CEP72: variants seen among roughly 807,000 people sequenced by gnomAD.
CEP72 encodes the protein centrosomal protein 72.
A neutral mutation model predicts 65.7 loss-of-function variants in CEP72; 78 were observed. The observed-to-expected ratio is 1.19, with a 90% confidence interval of 0.99 to 1.43. The LOEUF is 1.43. Among genes scored for constraint, CEP72 ranks in the 40% most tolerant of loss-of-function variants. The pLI, the probability that CEP72 is intolerant of heterozygous loss-of-function variation, is 0.00. For missense variants in CEP72, 914 were observed against 832.9 expected (o/e 1.10, Z -1.20); for synonymous variants, 358 against 351.7 (o/e 1.02, Z -0.20).
At chr5:669,031 C>T (rs569398973), downstream of CEP72, among the ~76,000 whole-genome samples, 29 of 152,356 alleles carry the variant, frequency 1.9e-4, no homozygotes, top group East Asian at 2.3e-3. Context: ...CCATCAACAG[C>T]GCTGAGCCAA....
At chr5:633,711 G>C in intron 4 of CEP72, 58 bp from the exon 5 acceptor site, 1 of 1,536,406 alleles carries the variant, frequency 6.5e-7, no homozygotes, top group Non-Finnish European at 9.0e-7. Flanking sequence ...CCTGGTCTGC[G>C]TGGGCCGGAG....
chr5:668,747 C>G (rs1415468483), downstream of CEP72, among the ~76,000 whole-genome samples: 1 of 152,264 alleles, frequency 6.6e-6, no homozygotes, highest in Non-Finnish European at 1.5e-5. Flanking sequence ...TACCACTGTT[C>G]TGCTCGTAGT....
At chr5:633,741 A>G (rs367615297) in intron 4 of CEP72, 28 bp from the exon 5 acceptor site, 11 of 1,610,630 alleles carry the variant, frequency 6.8e-6, no homozygotes, top group African/African-American at 1.3e-5. Context: ...GGCTTGAGTG[A>G]TGCTGATGAG....
intron 4 of CEP72, among the ~76,000 whole-genome samples, chr5:627,525 G>A (rs998922552): frequency 6.6e-6 from 1 of 152,150 alleles, no homozygotes; most frequent in African/African-American, 2.4e-5. Context: ...CTGAAAACTG[G>A]CTGTTTTCCT....
At chr5:654,050 T>G, downstream of CEP72, among the ~76,000 whole-genome samples, 1 of 140,628 alleles carries the variant, frequency 7.1e-6, no homozygotes, top group African/African-American at 2.7e-5. Context: ...GTGTGTGTGC[T>G]AGCTGTGTGT....
intron 1 of CEP72, among the ~76,000 whole-genome samples, chr5:615,834 A>G (rs918947335): frequency 5.3e-5 from 8 of 152,030 alleles, no homozygotes; most frequent in African/African-American, 1.7e-4. Flanking sequence ...ATCTCCTTGT[A>G]TGGTTTTCAT....
chr5:619,241 T>A, intron 2 of CEP72, 124 bp downstream of exon 2: 2 of 839,546 alleles, frequency 2.4e-6, no homozygotes, highest in East Asian at 2.5e-5. Context: ...CACTTTGTGT[T>A]GCGTATTTTT....
chr5:670,215 C>T (rs962887700), downstream of CEP72, among the ~76,000 whole-genome samples: 26 of 152,176 alleles, frequency 1.7e-4, no homozygotes, highest in African/African-American at 5.8e-4. Flanking sequence ...TCACAGGCCC[C>T]GCTGGGCTCG....
chr5:672,418 A>G, the CEP72 span, among the ~76,000 whole-genome samples: 1 of 152,212 alleles, frequency 6.6e-6, no homozygotes, highest in Non-Finnish European at 1.5e-5. Context: ...GGGAAAATAC[A>G]CCACACCCAG....
At chr5:668,653 AGC>A (rs1580077358), downstream of CEP72, among the ~76,000 whole-genome samples, 1 of 152,266 alleles carries the variant, frequency 6.6e-6, no homozygotes, top group African/African-American at 2.4e-5. Context: ...TTCTCATCAC[AGC>A]CAAAGGTGGC....
At chr5:653,806 A>G (rs973794804), downstream of CEP72, among the ~76,000 whole-genome samples, 1 of 152,244 alleles carries the variant, frequency 6.6e-6, no homozygotes, top group Admixed American at 6.5e-5. Context: ...ATTATGTCAT[A>G]ATAGGACACA....
downstream of CEP72, among the ~76,000 whole-genome samples, chr5:670,235 A>G (rs916604638): frequency 6.6e-6 from 1 of 152,096 alleles, no homozygotes; most frequent in Non-Finnish European, 1.5e-5. Context: ...GGGACTGTGC[A>G]TCCAGCACCC....
At chr5:668,360 C>G (rs1201158513), downstream of CEP72, among the ~76,000 whole-genome samples, 1 of 110,328 alleles carries the variant, frequency 9.1e-6, no homozygotes, top group Non-Finnish European at 1.8e-5. Flanking sequence ...CGGACAAGCA[C>G]ACTGGAGAGG....
chr5:633,663 G>A (rs1220252763), intron 4 of CEP72, 106 bp from the exon 5 acceptor site: 6 of 1,096,728 alleles, frequency 5.5e-6, no homozygotes, highest in Non-Finnish European at 8.1e-6. Context: ...TTTGCAGCAC[G>A]CTGCTTCTCT....
chr5:643,190 G>C, intron 9 of CEP72: 1 of 984,886 alleles, frequency 1.0e-6, no homozygotes, highest in Non-Finnish European at 1.2e-6. Context: ...GTGCGACAGA[G>C]GGAGACTTTG....
intron 8 of CEP72, 108 bp from the exon 9 acceptor site, chr5:640,300 G>C: frequency 6.8e-7 from 1 of 1,472,260 alleles, no homozygotes; most frequent in Admixed American, 2.1e-5. Flanking sequence ...CCTACCTGTC[G>C]TCTTTTTGAG....
At chr5:663,245 G>A (rs75273371) in intron 1 of CEP72, 1 of 152,266 alleles carries the variant, frequency 6.6e-6, no homozygotes, top group African/African-American at 2.4e-5. Flanking sequence ...ATTCAGAGTT[G>A]TTTTCAAATG....
chr5:665,379 G>A (rs1301391740), intron 3 of CEP72: 4 of 1,362,138 alleles, frequency 2.9e-6, no homozygotes, highest in East Asian at 4.9e-5. Flanking sequence ...CCCTGGGCAG[G>A]TCTCCCAGCG....
In CEP72 at chr5:644,370, G is replaced by A; in HGVS notation, c.1611G>A (p.Met537Ile). The change falls in exon 10 of 12, where the codon ATG (methionine) becomes ATA (isoleucine). Residue 537 changes from methionine to isoleucine, a missense_variant. Met to Ile is a conservative substitution (Grantham distance 10). Coordinates refer to ENST00000264935, the MANE Select transcript of CEP72 (RefSeq NM_018140.4). The stretch of plus-strand genomic sequence containing the variant: ...GGTTAAAATCGCTTTTGTTGAGTAT[G>A]AAAAAGGAAGTGAAGAGTGCAGACA... ...NSRLKSLLLSMKKEVKSADTA... is the reference protein window; with the variant it reads ...NSRLKSLLLSIKKEVKSADTA... 1 of 1,613,954 alleles carries A rather than the reference G, an allele frequency of 6.2e-7. No homozygotes were observed. Among genetic ancestry groups the A allele is most frequent in the Non-Finnish European group, 8.5e-7 (1 of 1,179,964 alleles).
Sources: allele counts gnomAD v4.1 joint callset (sites outside exome capture counted in the v4.1 genomes callset), GRCh38; gene constraint gnomAD v4.1.1; transcripts MANE v1.5; gene names NCBI Gene and HGNC (gene_info 2026-07-23, HGNC 2026-07-21).